The following DBNL variants were observed in gnomAD, a reference collection of about 807,000 sequenced individuals.
The protein encoded by DBNL is drebrin like.
Under a neutral mutation model 62.2 loss-of-function variants are expected in DBNL, and 35 were observed. The observed-to-expected ratio is 0.56, with a 90% CI of 0.43 to 0.75. The LOEUF is 0.75. Ranked by LOEUF, DBNL falls within the 30% of genes least tolerant of loss-of-function variation. The pLI is 0.00. For missense variants in DBNL, 495 were observed against 578.4 expected (o/e 0.86, Z 1.48); for synonymous variants, 197 against 218.0 (o/e 0.90, Z 0.85).
Position 44,061,431 on chromosome 7 carries a change from G to A in DBNL, c.*515G>A. On this transcript the variant is annotated 3_prime_UTR_variant, in exon 13 of 13. Transcript: ENST00000448521. ...GGTTTGGCAGCAGGGAATTTGTCTT[G>A]TTGGAGCCTGCTCTGTGCTCCCCAC... is the stretch of plus-strand genomic sequence containing the variant. 6.3e-6 allele frequency: 1 copy of A among 158,940 alleles called. No homozygotes were observed. Among genetic ancestry groups the A allele is most frequent in the Non-Finnish European group, 1.4e-5 (1 of 71,348 alleles). The allele number at this position is 158,940 out of a possible 1,614,324, so 9.8% of individuals were successfully genotyped here. A position where few individuals can be genotyped will look rare whatever the true frequency, so the allele number is the denominator to read the frequency against.
rs184760268 is a variant in DBNL at position 44,050,552 on chromosome 7, G to A, written c.139+272G>A. On this transcript the variant is annotated intron_variant, in intron 2 of 12. Transcript: ENST00000448521. ...CCTCTCCAGCTTGTGGGCAGCCTGC[G>A]TTGGGAGCTGCGGTGGGAAGCTCAC... 6 of 364,880 alleles carry A rather than the reference G, an allele frequency of 1.6e-5. No homozygotes were observed. In the East Asian group the frequency reaches 1.8e-4, roughly 11 times the overall value. 22.6% of individuals were successfully genotyped at this position (364,880 alleles called of 1,614,324 possible).
At position 44,063,262 on chromosome 7, in the gene DBNL, T is replaced by TG. The variant is rs1287561637; in HGVS notation, c.*2347dup. 16,788 of 318,658 alleles carry TG rather than the reference T, an allele frequency of 0.053. 5 individuals are homozygous for TG. The highest frequency in any genetic ancestry group is 0.089 in the South Asian group (2,499 of 28,094). 19.7% of individuals were successfully genotyped at this position (318,658 alleles called of 1,614,324 possible). ...GGGTCAGGAAGGGACACTCACCCTTTGTTTTTTTTTTTTCTTTTCTTTTTC... is the reference window on the plus strand; with the variant it reads ...GGGTCAGGAAGGGACACTCACCCTTTGGTTTTTTTTTTTTCTTTTCTTTTTC... On this transcript the variant is annotated 3_prime_UTR_variant, in exon 13 of 13. Transcript: ENST00000448521.
rs762918819 is a variant in DBNL, at chr7:44,065,071, C to T, written c.*4155C>T. ...AGCCAGTGGGCCCCCACCCGACTCC[C>T]CACTCTGCAGCTTCCCAGAGGCCTT... On this transcript the variant is annotated 3_prime_UTR_variant, in exon 13 of 13. Coordinates refer to ENST00000448521, the MANE Select transcript of DBNL (RefSeq NM_001014436.3). The T allele has an allele frequency of 6.2e-7, 1 of 1,611,758 alleles. No homozygotes were observed. Among genetic ancestry groups the T allele is most frequent in the South Asian group, 1.1e-5 (1 of 91,056 alleles).
rs529371882 is a variant in DBNL at position 44,065,502 on chromosome 7, G to T, written c.*4586G>T. Reference sequence around the variant, plus strand: ...TGGTTCCATGTGCTCTCGCCGTGCCGGACCATCACGAGGCGGTGAGTGGCC... The same window carrying T: ...TGGTTCCATGTGCTCTCGCCGTGCCTGACCATCACGAGGCGGTGAGTGGCC... On this transcript the variant is annotated 3_prime_UTR_variant, in exon 13 of 13. Coordinates refer to ENST00000448521, the MANE Select transcript of DBNL (RefSeq NM_001014436.3). The T allele has an allele frequency of 6.2e-7, 1 of 1,613,890 alleles. No individual in the cohort carries two copies. The highest frequency in any genetic ancestry group is 1.3e-5 in the African/African-American group (1 of 74,924).
chr7:44,044,733 G>A lies in DBNL; in HGVS notation c.-5G>A. ...AGCAGCGGCGCGGAGACTGCGGGGCGGGCCATGGCGGCGAACCTGAGCCGG... is the reference window on the plus strand; with the variant it reads ...AGCAGCGGCGCGGAGACTGCGGGGCAGGCCATGGCGGCGAACCTGAGCCGG... On this transcript the variant is annotated 5_prime_UTR_variant, in exon 1 of 13. Transcript: ENST00000448521. The A allele has an allele frequency of 6.7e-7, 1 of 1,501,512 alleles. No homozygotes were observed. The highest frequency in any genetic ancestry group is 1.5e-5 in the African/African-American group (1 of 68,560). The allele number at this position is 1,501,512 out of a possible 1,614,324, so 93.0% of individuals were successfully genotyped here. A position where few individuals can be genotyped will look rare whatever the true frequency, so the allele number is the denominator to read the frequency against.
chr7:44,060,008 G>C lies in DBNL; in HGVS notation c.1048-40G>C. On this transcript the variant is annotated intron_variant, in intron 11 of 12. Transcript: ENST00000448521. The surrounding 1 kb of genome is among the most constrained non-coding windows in gnomAD (Gnocchi z 6.3). ...GGGGCAGAGCAGCGATTGTGTGTAA[G>C]GGCTGAGTCTGGGGTAACACCTTTG... 1 of 1,591,008 alleles carries C rather than the reference G, an allele frequency of 6.3e-7. No homozygotes were observed. Among genetic ancestry groups the C allele is most frequent in the Non-Finnish European group, 8.6e-7 (1 of 1,163,018 alleles).
rs1379933417 is a variant in DBNL at position 44,044,829 on chromosome 7, C to T, written c.83+9C>T. On this transcript the variant is annotated intron_variant, in intron 1 of 12. Coordinates refer to ENST00000448521, the MANE Select transcript of DBNL (RefSeq NM_001014436.3). ...AAGTCCCCGACCGACTGGTGGGCGG[C>T]GAGACGGGCCAGGGTCGGGCCAGGG... 2.7e-6 allele frequency: 4 copies of T among 1,457,578 alleles called. No individual in the cohort carries two copies. Among genetic ancestry groups the T allele is most frequent in the Non-Finnish European group, 3.6e-6 (4 of 1,102,224 alleles). The allele number at this position is 1,457,578 out of a possible 1,614,324, so 90.3% of individuals were successfully genotyped here.
intron 5 of DBNL, among the ~76,000 whole-genome samples, chr7:44,057,170 T>C (rs1005045516): frequency 6.6e-6 from 1 of 152,214 alleles, no homozygotes; most frequent in Admixed American, 6.5e-5. Context: ...GCAGCATGCA[T>C]GGCTATGATA....
In DBNL at chr7:44,065,015, G is replaced by A. The variant is rs201133395; in HGVS notation, c.*4099G>A. ...TTCAGGCCTGCGTACCGACGCTCCT[G>A]GGGGACACAGGCACGCTGCTTTCCC... On this transcript the variant is annotated 3_prime_UTR_variant, in exon 13 of 13. Transcript: ENST00000448521. 1,029 of 1,606,422 alleles carry A rather than the reference G, an allele frequency of 6.4e-4. 2 individuals are homozygous for A. The highest frequency in any genetic ancestry group is 7.4e-4 in the Non-Finnish European group (867 of 1,179,526).
intron 1 of DBNL, 67 bp downstream of exon 1, chr7:44,044,887 C>T (rs6944386): frequency 0.13 from 145,399 of 1,136,454 alleles, 9,379 homozygotes; most frequent in African/African-American, 0.27. Context: ...CTGGGGCGAG[C>T]GGGGGACTCG....
rs2096152103 is a variant in DBNL, at chr7:44,062,992, A to G, written c.*2076A>G. 2.6e-6 allele frequency: 4 copies of G among 1,555,292 alleles called. No homozygotes were observed. The East Asian group carries it at 6.7e-5, about 26-fold the overall frequency. On this transcript the variant is annotated 3_prime_UTR_variant, in exon 13 of 13. Coordinates refer to ENST00000448521, the MANE Select transcript of DBNL (RefSeq NM_001014436.3). ...TCCCCAGCCTGTTTACACAGCAGAC[A>G]CTATGTGACCTTTATGGTCCACAGA...
In DBNL at chr7:44,058,435, G is replaced by A. The variant is rs200151625; in HGVS notation, c.708G>A (p.Thr236=). Residue 236 remains threonine, a synonymous_variant, in exon 8 of 13, where the codon ACG becomes ACA. Transcript: ENST00000448521. ...CCCACCCGGCCCTTCCCAGCAGGAC[G>A]TGGGAGCAGCAGCAAGAAGTGGTTT... ...EQGGEASPQR[T]WEQQQEVVSR... 2.5e-5 allele frequency: 41 copies of A among 1,614,230 alleles called. No homozygotes were observed. In the Middle Eastern group the frequency reaches 1.6e-3, roughly 65 times the overall value.
At chr7:44,057,892 G>A (rs768091895) in intron 6 of DBNL, 33 bp downstream of exon 6, 14 of 1,613,372 alleles carry the variant, frequency 8.7e-6, no homozygotes, top group African/African-American at 1.3e-5. Flanking sequence ...CTGGGCACGT[G>A]GGAGTGTTCT....
In DBNL at chr7:44,064,754, G is replaced by T; in HGVS notation, c.*3838G>T. 7.7e-7 allele frequency: 1 copy of T among 1,291,870 alleles called. No individual in the cohort carries two copies. Among genetic ancestry groups the T allele is most frequent in the South Asian group, 1.3e-5 (1 of 79,178 alleles). 80.0% of individuals were successfully genotyped at this position (1,291,870 alleles called of 1,614,324 possible). On this transcript the variant is annotated 3_prime_UTR_variant, in exon 13 of 13. Coordinates refer to ENST00000448521, the MANE Select transcript of DBNL (RefSeq NM_001014436.3). The stretch of plus-strand genomic sequence containing the variant: ...CGCCTAGAAAGCCTGGTCCATGGGC[G>T]AGAGACTTTGCTGAGATGAGAAGCC...
Position 44,060,692 on chromosome 7 carries a change from C to A in DBNL, c.1154-85C>A. 1.3e-6 allele frequency: 2 copies of A among 1,549,606 alleles called. No homozygotes were observed. Among genetic ancestry groups the A allele is most frequent in the Admixed American group, 1.8e-5 (1 of 54,428 alleles). ...AGAGCTGCAGCGAGGTGTGCTGCAGCAGTGTGGGGCTGCCGTGGGCTGCCC... is the reference window on the plus strand; with the variant it reads ...AGAGCTGCAGCGAGGTGTGCTGCAGAAGTGTGGGGCTGCCGTGGGCTGCCC... On this transcript the variant is annotated intron_variant, in intron 12 of 12. Coordinates refer to ENST00000448521, the MANE Select transcript of DBNL (RefSeq NM_001014436.3). This position sits in a 1 kb window ranked among gnomAD's most constrained non-coding sequence, Gnocchi z 6.3.
At chr7:44,057,072 A>G (rs1304652039) in intron 5 of DBNL, among the ~76,000 whole-genome samples, 169 bp downstream of exon 5, 3 of 152,224 alleles carry the variant, frequency 2.0e-5, no homozygotes, top group Non-Finnish European at 1.5e-5. Context: ...ATGAGCAGGA[A>G]TAGCCCTCTG....
chr7:44,058,893 T>TCC lies in DBNL; in HGVS notation c.754-7_754-6dup, dbSNP rs776164175. On this transcript the variant is annotated splice_polypyrimidine_tract_variant and intron_variant, in intron 8 of 12. Transcript: ENST00000448521. The stretch of plus-strand genomic sequence containing the variant: ...CCCACTGCAGGGGTCAACATGTGCT[T>TCC]CCCTCCAGGAGTCTGCCGTGCACCC... The TCC allele has an allele frequency of 9.5e-5, 154 of 1,613,642 alleles. No individual in the cohort carries two copies. The highest frequency in any genetic ancestry group is 9.3e-6 in the Non-Finnish European group (11 of 1,179,902).
intron 5 of DBNL, 23 bp from the exon 6 acceptor site, chr7:44,057,759 C>T: frequency 6.2e-7 from 1 of 1,614,006 alleles, no homozygotes; most frequent in Non-Finnish European, 8.5e-7. Flanking sequence ...GTCCAGGTCT[C>T]TAATGAGTGC....
rs1163105710 is a variant in DBNL at position 44,064,781 on chromosome 7, G to C, written c.*3865G>C. 2.1e-6 allele frequency: 3 copies of C among 1,462,786 alleles called. No homozygotes were observed. In the South Asian group the frequency reaches 3.6e-5, roughly 18 times the overall value. 90.6% of individuals were successfully genotyped at this position (1,462,786 alleles called of 1,614,324 possible). ...GAGACTTTGCTGAGATGAGAAGCCA[G>C]CTGGGGCTGCTGCCCACCCACCCTG... On this transcript the variant is annotated 3_prime_UTR_variant, in exon 13 of 13. Transcript: ENST00000448521.
Sources: gnomAD v4.1 joint callset for allele counts (sites outside exome capture counted in the v4.1 genomes callset) on GRCh38, gnomAD v4.1.1 for gene constraint, Gnocchi (gnomAD v3.1) non-coding constraint, MANE v1.5 for transcripts, NCBI Gene and HGNC (gene_info 2026-07-23, HGNC 2026-07-21) for gene names.